PPM1H: variants seen among roughly 807,000 people sequenced by gnomAD.
The protein encoded by PPM1H is protein phosphatase 1H.
PPM1H carries 27 observed loss-of-function variants against 54.9 expected under a neutral mutation model. The ratio of observed to expected loss-of-function variants is 0.49; its 90% confidence interval spans 0.36 to 0.68. PPM1H has a LOEUF of 0.68. Ranked by LOEUF, PPM1H falls within the 30% of genes least tolerant of loss-of-function variation. The pLI is 0.00. For synonymous variants in PPM1H, 305 were observed against 270.8 expected (o/e 1.13, Z -1.24); for missense variants, 596 against 667.8 (o/e 0.89, Z 1.19).
intron 1 of PPM1H, among the ~76,000 whole-genome samples, chr12:62,857,816 T>G (rs1869444719): frequency 6.6e-6 from 1 of 152,192 alleles, no homozygotes; most frequent in South Asian, 2.1e-4. Flanking sequence ...AAACATTTAT[T>G]ATATTGTGCA....
rs1868594279 is a variant in PPM1H, at chr12:62,838,699, ATCACGAGGT to A, written c.246-6429_246-6421del. 1.9e-5 allele frequency among the ~76,000 whole-genome samples: 2 copies of A among 102,744 alleles called. 1 individual carries two copies. The highest frequency in any genetic ancestry group is 4.0e-5 in the Non-Finnish European group (2 of 50,380). 67.4% of individuals were successfully genotyped at this position (102,744 alleles called of 152,430 possible). A position where few individuals can be genotyped will look rare whatever the true frequency, so the allele number is the denominator to read the frequency against. ...CACTTTGGGAGGCCGAGGCGGGCGG[ATCACGAGGT>A]CAGGAGATCGAGACCATCCTGGCTA... On this transcript the variant is annotated intron_variant, in intron 1 of 9. Transcript: ENST00000228705.
intron 1 of PPM1H, among the ~76,000 whole-genome samples, chr12:62,914,440 A>T (rs1234621456): frequency 6.6e-6 from 1 of 152,202 alleles, no homozygotes; most frequent in Non-Finnish European, 1.5e-5. Flanking sequence ...AGATTTTCTT[A>T]AAAAGGGAGC....
intron 5 of PPM1H, among the ~76,000 whole-genome samples, chr12:62,724,785 C>T (rs938481722): frequency 3.3e-5 from 5 of 152,124 alleles, no homozygotes; most frequent in African/African-American, 7.2e-5. Context: ...TTAATTTTAT[C>T]CTTTTCATAA....
At chr12:62,744,187 A>AAAAAAAG (rs1555193547) in intron 4 of PPM1H, among the ~76,000 whole-genome samples, 1 of 146,096 alleles carries the variant, frequency 6.8e-6, no homozygotes, top group Non-Finnish European at 1.5e-5. Flanking sequence ...AAAAAAAAAA[A>AAAAAAAG]AGGCCAGGCG....
At chr12:62,831,690 T>C (rs535835932) in intron 2 of PPM1H, among the ~76,000 whole-genome samples, 1 of 150,162 alleles carries the variant, frequency 6.7e-6, no homozygotes, top group Admixed American at 6.6e-5. Context: ...TTTGAAACCG[T>C]CAAACATTGT....
At chr12:62,714,568 G>A (rs899265186) in intron 6 of PPM1H, among the ~76,000 whole-genome samples, 6 of 150,870 alleles carry the variant, frequency 4.0e-5, no homozygotes, top group East Asian at 4.0e-4. Context: ...ACCCCCTGCC[G>A]CCACCACACT....
intron 1 of PPM1H, among the ~76,000 whole-genome samples, chr12:62,877,644 C>T (rs1048364676): frequency 5.3e-5 from 8 of 152,174 alleles, no homozygotes; most frequent in African/African-American, 9.6e-5. Flanking sequence ...TTAAGTGGCC[C>T]GGCAGATATC....
intron 9 of PPM1H, among the ~76,000 whole-genome samples, chr12:62,666,480 G>GT (rs1402432329): frequency 6.6e-6 from 1 of 152,114 alleles, no homozygotes; most frequent in Non-Finnish European, 1.5e-5. Flanking sequence ...TTCTTACCAA[G>GT]TATTTCTCAA....
intron 9 of PPM1H, among the ~76,000 whole-genome samples, chr12:62,661,969 T>G (rs2075886773): frequency 6.6e-6 from 1 of 152,240 alleles, no homozygotes; most frequent in Non-Finnish European, 1.5e-5. Context: ...TTCTTTCTAT[T>G]GCTTTGGTTT....
chr12:62,668,085 G>T (rs979379854), intron 8 of PPM1H, among the ~76,000 whole-genome samples: 1 of 152,130 alleles, frequency 6.6e-6, no homozygotes, highest in Non-Finnish European at 1.5e-5. Context: ...TACCTTAAAT[G>T]ACTTGGATAT....
At chr12:62,823,286 C>T (rs201828059) in intron 2 of PPM1H, among the ~76,000 whole-genome samples, 72 of 152,220 alleles carry the variant, frequency 4.7e-4, no homozygotes, top group African/African-American at 1.5e-3. Flanking sequence ...CAGAACCAGA[C>T]GGATTCACAG....
intron 9 of PPM1H, among the ~76,000 whole-genome samples, chr12:62,653,368 G>A (rs1031873752): frequency 2.0e-5 from 3 of 152,066 alleles, no homozygotes; most frequent in Admixed American, 2.0e-4. Context: ...CAACTTCTCT[G>A]CGATATCTTT....
chr12:62,862,856 T>G (rs1869648828), intron 1 of PPM1H, among the ~76,000 whole-genome samples: 1 of 152,316 alleles, frequency 6.6e-6, no homozygotes, highest in Non-Finnish European at 1.5e-5. Flanking sequence ...TTAACAGACA[T>G]CATTTCAATC....
In PPM1H at chr12:62,646,862, C is replaced by T. The variant is rs998476900; in HGVS notation, c.*1627G>A. The T allele has an allele frequency of 6.6e-6, 1 of 152,168 alleles. No individual in the cohort carries two copies. Among genetic ancestry groups the T allele is most frequent in the African/African-American group, 2.4e-5 (1 of 41,434 alleles). 9.4% of individuals were successfully genotyped at this position (152,168 alleles called of 1,614,324 possible). A position where few individuals can be genotyped will look rare whatever the true frequency, so the allele number is the denominator to read the frequency against. ...TCCAGAAATGCAGGTGATTTACTGCCCTGGAGGAGAGGTTCCTATCCTCTC... is the reference window on the plus strand; with the variant it reads ...TCCAGAAATGCAGGTGATTTACTGCTCTGGAGGAGAGGTTCCTATCCTCTC... On this transcript the variant is annotated 3_prime_UTR_variant, in exon 10 of 10. Transcript: ENST00000228705.
chr12:62,797,634 C>A (rs2076742322), intron 3 of PPM1H, among the ~76,000 whole-genome samples: 2 of 152,064 alleles, frequency 1.3e-5, no homozygotes, highest in Non-Finnish European at 2.9e-5. Context: ...CACGGTAAGA[C>A]AATGACTCTC....
intron 3 of PPM1H, among the ~76,000 whole-genome samples, chr12:62,790,898 C>T (rs1007212057): frequency 5.9e-5 from 9 of 152,172 alleles, no homozygotes. Context: ...TGTCGTAAGG[C>T]TAAATTAGCT....
At chr12:62,665,687 G>A (rs182955169) in intron 9 of PPM1H, among the ~76,000 whole-genome samples, 1 of 152,150 alleles carries the variant, frequency 6.6e-6, no homozygotes, top group African/African-American at 2.4e-5. Flanking sequence ...CTTAAAAATT[G>A]TTTAGTCATT....
chr12:62,842,484 CA>C (rs1423686933), intron 1 of PPM1H, among the ~76,000 whole-genome samples: 1 of 152,198 alleles, frequency 6.6e-6, no homozygotes, highest in Non-Finnish European at 1.5e-5. Flanking sequence ...ATTCTAATCT[CA>C]ACAGACTTCA....
intron 3 of PPM1H, among the ~76,000 whole-genome samples, chr12:62,797,478 A>T (rs1034189719): frequency 6.6e-6 from 1 of 152,146 alleles, no homozygotes; most frequent in Non-Finnish European, 1.5e-5. Flanking sequence ...AAAATTAGAG[A>T]GTGGGTGGCT....
Sources: allele counts gnomAD v4.1 joint callset (sites outside exome capture counted in the v4.1 genomes callset), GRCh38; gene constraint gnomAD v4.1.1; transcripts MANE v1.5; gene names NCBI Gene and HGNC (gene_info 2026-07-23, HGNC 2026-07-21).